Variants in RBM20 observed in about 807,000 individuals in gnomAD.
The protein encoded by RBM20 is RNA binding motif protein 20.
RBM20 carries 51 observed loss-of-function variants against 110.1 expected under a neutral mutation model. The ratio of observed to expected loss-of-function variants is 0.46; its 90% CI spans 0.37 to 0.59. The LOEUF is 0.59. Among genes scored for constraint, RBM20 ranks in the 20% least tolerant of loss-of-function variants. The pLI is 0.00. For synonymous variants in RBM20, 589 were observed against 618.2 expected, an observed-to-expected ratio of 0.95 and a Z score of 0.70; for missense variants, 1,512 against 1,574.9, an observed-to-expected ratio of 0.96 and a Z score of 0.68.
At chr10:110,770,571 T>G (rs1224178297) in intron 1 of RBM20, among the ~76,000 whole-genome samples, 1 of 152,220 alleles carries the variant, frequency 6.6e-6, no homozygotes, top group African/African-American at 2.4e-5. Context: ...CTCTCCAGTT[T>G]TATGTGGACT....
At chr10:110,649,865 C>T (rs762555855) in intron 1 of RBM20, among the ~76,000 whole-genome samples, 4 of 152,162 alleles carry the variant, frequency 2.6e-5, no homozygotes, top group Non-Finnish European at 4.4e-5. Context: ...TGAGAATATG[C>T]GTGTTATCCT....
At chr10:110,691,750 T>A (rs1862588913) in intron 1 of RBM20, among the ~76,000 whole-genome samples, 1 of 152,260 alleles carries the variant, frequency 6.6e-6, no homozygotes, top group South Asian at 2.1e-4. Flanking sequence ...GATAGTGTCC[T>A]TTAATGCATG....
chr10:110,672,588 C>A (rs17828459), intron 1 of RBM20, among the ~76,000 whole-genome samples: 11,372 of 152,310 alleles, frequency 0.075, 584 homozygotes, highest in Non-Finnish European at 0.1. Context: ...CGCGCCCCCA[C>A]GGTTCTCCAG....
intron 1 of RBM20, among the ~76,000 whole-genome samples, chr10:110,699,620 A>AT (rs1347107334): frequency 6.6e-6 from 1 of 152,128 alleles, no homozygotes; most frequent in Non-Finnish European, 1.5e-5. Context: ...CCAAACCTGC[A>AT]TTCTTAAAGG....
At chr10:110,764,104 C>T (rs1224121297) in intron 1 of RBM20, among the ~76,000 whole-genome samples, 1 of 152,126 alleles carries the variant, frequency 6.6e-6, no homozygotes, top group African/African-American at 2.4e-5. Flanking sequence ...GGGTCATCTC[C>T]GTTCATCTCC....
intron 5 of RBM20, among the ~76,000 whole-genome samples, chr10:110,793,777 T>C (rs1844514197): frequency 6.6e-6 from 1 of 152,234 alleles, no homozygotes; most frequent in East Asian, 1.9e-4. Context: ...TGCAGTTCCT[T>C]ACATAAGAAC....
chr10:110,820,236 C>T (rs1050130366), intron 10 of RBM20, 60 bp downstream of exon 10: 11 of 1,190,482 alleles, frequency 9.2e-6, no homozygotes, highest in East Asian at 2.6e-5. Flanking sequence ...AGGAGTCCCC[C>T]TTTTGCCTGG....
chr10:110,802,070 G>A (rs939675210), intron 7 of RBM20, among the ~76,000 whole-genome samples: 13 of 152,180 alleles, frequency 8.5e-5, no homozygotes, highest in African/African-American at 2.7e-4. Context: ...TGCTGTATTA[G>A]TGTTTGAATC....
Position 110,799,765 on chromosome 10 carries a change from G to A in RBM20, c.1669-22G>A, listed in dbSNP as rs1291606663. The A allele has an allele frequency of 2.6e-6, 4 of 1,547,360 alleles. No individual in the cohort carries two copies. The South Asian group carries it at 3.6e-5, about 14-fold the overall frequency. On this transcript the variant is annotated intron_variant, in intron 6 of 13. Transcript: ENST00000369519. ...AGACCATTAAAGTCAAGTCCAGTGA[G>A]TGTCCTTCCTTTCTTTCTTAGGCCT...
chr10:110,794,697 G>A (rs1844528131), intron 5 of RBM20, among the ~76,000 whole-genome samples: 1 of 152,210 alleles, frequency 6.6e-6, no homozygotes, highest in Non-Finnish European at 1.5e-5. Context: ...GTAAAATCCA[G>A]CATCTGTTTC....
At chr10:110,757,991 A>C (rs1843942529) in intron 1 of RBM20, among the ~76,000 whole-genome samples, 1 of 150,136 alleles carries the variant, frequency 6.7e-6, no homozygotes, top group South Asian at 2.1e-4. Context: ...ACAGCAATAG[A>C]AAAGACAGGC....
chr10:110,658,323 G>C (rs552092790), intron 1 of RBM20, among the ~76,000 whole-genome samples: 1 of 152,262 alleles, frequency 6.6e-6, no homozygotes, highest in South Asian at 2.1e-4. Context: ...AACAGTGCTG[G>C]GGGGTGAGTG....
At chr10:110,657,358 G>A (rs1445633821) in intron 1 of RBM20, among the ~76,000 whole-genome samples, 1 of 151,606 alleles carries the variant, frequency 6.6e-6, no homozygotes, top group Non-Finnish European at 1.5e-5. Flanking sequence ...GGTGTATGAA[G>A]TACTATCTCA....
At chr10:110,789,984 A>G (rs1056264190) in intron 5 of RBM20, among the ~76,000 whole-genome samples, 2 of 152,108 alleles carry the variant, frequency 1.3e-5, no homozygotes, top group Non-Finnish European at 2.9e-5. Context: ...AGTTTTCACA[A>G]CCATCTTGGA....
chr10:110,735,661 A>T (rs1032200919), intron 1 of RBM20, among the ~76,000 whole-genome samples: 1 of 152,164 alleles, frequency 6.6e-6, no homozygotes, highest in Admixed American at 6.5e-5. Flanking sequence ...TTGCTGGGTG[A>T]AAGGTATATT....
chr10:110,694,708 C>T (rs559520547), intron 1 of RBM20, among the ~76,000 whole-genome samples: 3 of 152,192 alleles, frequency 2.0e-5, no homozygotes, highest in African/African-American at 4.8e-5. Flanking sequence ...CAAACCACAG[C>T]CCTCTTGCTA....
chr10:110,730,300 A>C (rs1162185354), intron 1 of RBM20, among the ~76,000 whole-genome samples: 4 of 152,248 alleles, frequency 2.6e-5, no homozygotes, highest in Non-Finnish European at 4.4e-5. Flanking sequence ...AGCAATGCCA[A>C]GGCAAAGTTT....
chr10:110,746,026 G>A (rs1843775674), intron 1 of RBM20, among the ~76,000 whole-genome samples: 1 of 152,172 alleles, frequency 6.6e-6, no homozygotes. Flanking sequence ...TGTGGGTTAT[G>A]ACTTGAGTTG....
intron 1 of RBM20, among the ~76,000 whole-genome samples, chr10:110,720,438 C>A (rs539517460): frequency 9.8e-5 from 15 of 152,324 alleles, no homozygotes; most frequent in Admixed American, 4.6e-4. Flanking sequence ...GCAGTGCAAC[C>A]GCGGGACTGG....
Sources: allele counts gnomAD v4.1 joint callset (sites outside exome capture counted in the v4.1 genomes callset), GRCh38; gene constraint gnomAD v4.1.1; transcripts MANE v1.5; gene names NCBI Gene and HGNC (gene_info 2026-07-23, HGNC 2026-07-21).